Variants in ELMOD2 observed in about 807,000 individuals in gnomAD.
ELMOD2 encodes the protein ELMO domain-containing protein 2.
In ELMOD2, 28 loss-of-function variants were observed where a neutral mutation model predicts 41.0. That is an observed-to-expected ratio of 0.68 (90% CI 0.51 to 0.94). The LOEUF is 0.94. ELMOD2 is among the 40% of genes least tolerant of loss of function. ELMOD2 has a pLI of 0.00. For synonymous variants in ELMOD2, 106 were observed against 107.2 expected, an observed-to-expected ratio of 0.99 and a Z score of 0.07; for missense variants, 333 against 343.1, an observed-to-expected ratio of 0.97 and a Z score of 0.23.
In ELMOD2 at chr4:140,550,524, A is replaced by G; in HGVS notation, c.*149A>G. 1.3e-6 allele frequency: 1 copy of G among 780,978 alleles called. No individual in the cohort carries two copies. The highest frequency in any genetic ancestry group is 1.9e-6 in the Non-Finnish European group (1 of 529,488). The allele number at this position is 780,978 out of a possible 1,614,324, so 48.4% of individuals were successfully genotyped here. A position where few individuals can be genotyped will look rare whatever the true frequency, so the allele number is the denominator to read the frequency against. On this transcript the variant is annotated 3_prime_UTR_variant, in exon 9 of 9. Coordinates refer to ENST00000323570, the MANE Select transcript of ELMOD2 (RefSeq NM_153702.4). ...ATTCTATTTAAGAAAGCTAGTGGAC[A>G]ATCAGTGTATGTTTACAATTGTTTA...
At chr4:140,527,539 C>CAT (rs1290546177) in intron 3 of ELMOD2, 45 bp downstream of exon 3, 6 of 1,467,514 alleles carry the variant, frequency 4.1e-6, no homozygotes, top group Admixed American at 4.9e-5. Flanking sequence ...TTAACGTGGA[C>CAT]ATATTTTTTC....
At chr4:140,533,825 T>C (rs1342196938) in intron 3 of ELMOD2, among the ~76,000 whole-genome samples, 3 of 152,062 alleles carry the variant, frequency 2.0e-5, no homozygotes, top group Non-Finnish European at 1.5e-5. Context: ...AGTGTATATA[T>C]ACGTGTGTGT....
intron 8 of ELMOD2, 56 bp from the exon 9 acceptor site, chr4:140,550,174 G>A (rs2110889675): frequency 7.0e-7 from 1 of 1,438,128 alleles, no homozygotes; most frequent in Non-Finnish European, 9.6e-7. Context: ...AGATGAGACG[G>A]TTTGAATGTG....
chr4:140,546,029 A>G (rs1286473280), intron 8 of ELMOD2, among the ~76,000 whole-genome samples: 1 of 144,770 alleles, frequency 6.9e-6, no homozygotes, highest in African/African-American at 2.6e-5. Context: ...ATAAAGACAC[A>G]TGCACACATA....
In ELMOD2 at chr4:140,550,590, C is replaced by A; in HGVS notation, c.*215C>A. 1 of 394,264 alleles carries A rather than the reference C, an allele frequency of 2.5e-6. No individual in the cohort carries two copies. Among genetic ancestry groups the A allele is most frequent in the Non-Finnish European group, 4.3e-6 (1 of 231,050 alleles). 24.4% of individuals were successfully genotyped at this position (394,264 alleles called of 1,614,324 possible). ...AGGTACCTTATCCTTCCAAAGATCC[C>A]CTCTGTAGAGTCATGCGAACTACAG... On this transcript the variant is annotated 3_prime_UTR_variant, in exon 9 of 9. Coordinates refer to ENST00000323570, the MANE Select transcript of ELMOD2 (RefSeq NM_153702.4).
At chr4:140,527,522 A>G (rs1451930698) in intron 3 of ELMOD2, 28 bp downstream of exon 3, 10 of 1,554,020 alleles carry the variant, frequency 6.4e-6, no homozygotes, top group Non-Finnish European at 8.7e-6. Flanking sequence ...TGGTAACTCT[A>G]GAAAACTTAA....
At chr4:140,535,932 A>T in intron 4 of ELMOD2, 102 bp downstream of exon 4, 1 of 1,036,330 alleles carries the variant, frequency 9.6e-7, no homozygotes. Context: ...GGGTTTGTGG[A>T]GATCATCTGA....
Position 140,550,286 on chromosome 4 carries a change from A to G in ELMOD2, c.793A>G (p.Met265Val). 2 of 1,611,810 alleles carry G rather than the reference A, an allele frequency of 1.2e-6. No individual in the cohort carries two copies. The highest frequency in any genetic ancestry group is 2.2e-5 in the East Asian group (1 of 44,682). ...FWFEEEPESI[M>V]YFNLYREKFH... ...GTTTGAAGAAGAACCAGAAAGCATTATGTATTTCAATTTGTATAGAGAGAA... is the reference window on the plus strand; with the variant it reads ...GTTTGAAGAAGAACCAGAAAGCATTGTGTATTTCAATTTGTATAGAGAGAA... Residue 265 changes from methionine to valine, a missense_variant, in exon 9 of 9, where the codon ATG becomes GTG. Coordinates refer to ENST00000323570, the MANE Select transcript of ELMOD2 (RefSeq NM_153702.4).
chr4:140,527,183 G>A (rs1241780494), intron 2 of ELMOD2, among the ~76,000 whole-genome samples: 1 of 152,184 alleles, frequency 6.6e-6, no homozygotes, highest in African/African-American at 2.4e-5. Context: ...TGAATTTGCA[G>A]TGGTTAGTAG....
intron 3 of ELMOD2, among the ~76,000 whole-genome samples, chr4:140,531,159 T>C (rs1734733095): frequency 6.6e-6 from 1 of 152,188 alleles, no homozygotes; most frequent in South Asian, 2.1e-4. Context: ...GTACTTAGCA[T>C]TACCAATGAT....
chr4:140,535,452 A>G (rs188710510), intron 3 of ELMOD2: 11 of 268,164 alleles, frequency 4.1e-5, no homozygotes, highest in African/African-American at 2.3e-4. Flanking sequence ...CGTAAACACT[A>G]TGGTGGCAGC....
In ELMOD2 at chr4:140,550,564, A is replaced by G. The variant is rs1560837426; in HGVS notation, c.*189A>G. 1 of 509,920 alleles carries G rather than the reference A, an allele frequency of 2.0e-6. No individual in the cohort carries two copies. Among genetic ancestry groups the G allele is most frequent in the Non-Finnish European group, 3.1e-6 (1 of 318,718 alleles). 31.6% of individuals were successfully genotyped at this position (509,920 alleles called of 1,614,324 possible). A position where few individuals can be genotyped will look rare whatever the true frequency, so the allele number is the denominator to read the frequency against. On this transcript the variant is annotated 3_prime_UTR_variant, in exon 9 of 9. Coordinates refer to ENST00000323570, the MANE Select transcript of ELMOD2 (RefSeq NM_153702.4). ...ACAATTGTTTATACACTGTTCTCCA[A>G]AGGTACCTTATCCTTCCAAAGATCC...
In ELMOD2 at chr4:140,525,500, G is replaced by C; in HGVS notation, c.72G>C (p.Gln24His). 3 of 1,614,026 alleles carry C rather than the reference G, an allele frequency of 1.9e-6. No homozygotes were observed. The highest frequency in any genetic ancestry group is 2.5e-6 in the Non-Finnish European group (3 of 1,179,960). ...FRFWMKWLLRQMTGKCELQRI... is the reference protein window; with the variant it reads ...FRFWMKWLLRHMTGKCELQRI... ...TTTGGATGAAATGGCTATTACGACA[G>C]ATGACTGGGAAGTGTGAATTGCAGC... Residue 24 changes from glutamine to histidine, a missense_variant, in exon 2 of 9, where the codon CAG becomes CAC. Coordinates refer to ENST00000323570, the MANE Select transcript of ELMOD2 (RefSeq NM_153702.4).
chr4:140,537,360 C>T, intron 4 of ELMOD2, 52 bp from the exon 5 acceptor site: 4 of 1,407,192 alleles, frequency 2.8e-6, no homozygotes, highest in Middle Eastern at 1.9e-4. Flanking sequence ...CTATGAAAGA[C>T]TTTATTGTGA....
chr4:140,536,845 A>T (rs1477430645), intron 4 of ELMOD2, among the ~76,000 whole-genome samples: 1 of 152,094 alleles, frequency 6.6e-6, no homozygotes. Flanking sequence ...AAAGAGTGCT[A>T]TGAGGATTGC....
chr4:140,550,013 G>A lies in ELMOD2; in HGVS notation c.737-217G>A, dbSNP rs568119609. On this transcript the variant is annotated intron_variant, in intron 8 of 8. Transcript: ENST00000323570. ...AAAGTACTATATCTTTTAAACTTGA[G>A]GGACGTTGTTGATTTTTGAGACAAA... Among the ~76,000 whole-genome samples the A allele has an allele frequency of 1.1e-4, 17 of 152,090 alleles. No homozygotes were observed. In the Middle Eastern group the frequency reaches 0.01, roughly 91 times the overall value.
intron 8 of ELMOD2, among the ~76,000 whole-genome samples, chr4:140,543,821 C>A (rs1282970469): frequency 6.6e-6 from 1 of 152,062 alleles, no homozygotes; most frequent in Non-Finnish European, 1.5e-5. Flanking sequence ...CACATGTAGA[C>A]ACATCTAAGA....
chr4:140,535,602 A>G, intron 3 of ELMOD2, 131 bp from the exon 4 acceptor site: 1 of 714,924 alleles, frequency 1.4e-6, no homozygotes, highest in East Asian at 2.8e-5. Context: ...TGTGAAATAA[A>G]CTGGTTGAAA....
At chr4:140,534,866 C>T (rs1734862960) in intron 3 of ELMOD2, among the ~76,000 whole-genome samples, 1 of 152,130 alleles carries the variant, frequency 6.6e-6, no homozygotes, top group African/African-American at 2.4e-5. Context: ...GAAGACTTCA[C>T]AGAGGAAGTG....
Sources: gnomAD v4.1 joint callset for allele counts (sites outside exome capture counted in the v4.1 genomes callset) on GRCh38, gnomAD v4.1.1 for gene constraint, MANE v1.5 for transcripts, NCBI Gene and HGNC (gene_info 2026-07-23, HGNC 2026-07-21) for gene names.